XIST: variants seen among roughly 807,000 people sequenced by gnomAD.
XIST encodes X inactive specific transcript (non-protein coding).
Position 73,852,521 on chromosome X carries a change from A to G in XIST, n.203T>C, listed in dbSNP as rs768995729. 8 of 539,604 alleles carry G rather than the reference A, an allele frequency of 1.5e-5. No individual in the cohort carries two copies. In the South Asian group the frequency reaches 2.0e-4, roughly 13 times the overall value. 44.5% of individuals were successfully genotyped at this position (539,604 alleles called of 1,213,427 possible). A position where few individuals can be genotyped will look rare whatever the true frequency, so the allele number is the denominator to read the frequency against. On this transcript the variant is annotated non_coding_transcript_exon_variant, in exon 1 of 6. Transcript: ENST00000429829. ...TATTCCAAATACTTTCTTTAAAAAA[A>G]TATGGAGGACGTGTCAAGAAGACAC...
At position 73,852,564 on chromosome X, in the gene XIST, T is replaced by C. The variant is rs769617016; in HGVS notation, n.160A>G. On this transcript the variant is annotated non_coding_transcript_exon_variant, in exon 1 of 6. Coordinates refer to ENST00000429829, the Ensembl canonical transcript of XIST. ...GAAGACACTAGGAGAAAGTATAGAA[T>C]TTAAAAAAATATTTTATGGAATTTA... The C allele has an allele frequency of 3.8e-5, 19 of 499,030 alleles. No homozygotes were observed. The African/African-American group carries it at 4.6e-4, about 12-fold the overall frequency. The allele number at this position is 499,030 out of a possible 1,213,427, so 41.1% of individuals were successfully genotyped here.
At chrX:73,820,971 G>C (rs776219182) in exon 6 of XIST, 1 of 558,998 alleles carries the variant, frequency 1.8e-6, no homozygotes. Flanking sequence ...GAATAAAGCA[G>C]ATGATGATAA....
At chrX:73,852,617 A>T (rs1334108758) in exon 1 of XIST, 1 of 493,166 alleles carries the variant, frequency 2.0e-6, no homozygotes, top group Non-Finnish European at 3.5e-6. Flanking sequence ...AATACGCCAT[A>T]AAGGGTGTTG....
chrX:73,848,272 AGG>A (rs751342613), exon 1 of XIST: 1 of 555,514 alleles, frequency 1.8e-6, no homozygotes, highest in Non-Finnish European at 3.3e-6. Flanking sequence ...AACAGCAGAT[AGG>A]GAAATTGCAT....
chrX:73,828,168 A>G, intron 5 of XIST: 1 of 397,584 alleles, frequency 2.5e-6, no homozygotes, highest in Non-Finnish European at 4.3e-6. Context: ...TACTACAATA[A>G]TAACAACCAC....
chrX:73,831,385 G>T, intron 3 of XIST: 1 of 412,854 alleles, frequency 2.4e-6, no homozygotes, highest in East Asian at 3.8e-5. Context: ...TCTTCATGTG[G>T]ATTGAAGAGT....
chrX:73,826,813 C>T (rs1264083217), exon 6 of XIST: 1 of 558,280 alleles, frequency 1.8e-6, no homozygotes, highest in Non-Finnish European at 3.2e-6. Flanking sequence ...TGTAGGTCTT[C>T]CAGCTACAAC....
At chrX:73,822,552 T>C (rs1325232017) in exon 6 of XIST, 1 of 511,458 alleles carries the variant, frequency 2.0e-6, no homozygotes, top group Admixed American at 2.7e-5. Context: ...TCTCCTATAT[T>C]CTACTTTCCA....
At chrX:73,827,717 A>C (rs1467290147) in exon 6 of XIST, 2 of 549,633 alleles carry the variant, frequency 3.6e-6, no homozygotes, top group Non-Finnish European at 6.6e-6. Flanking sequence ...AAGGACAAAA[A>C]GCACACAGCA....
exon 1 of XIST, chrX:73,849,201 T>C (rs1225276622): frequency 1.6e-5 from 9 of 557,640 alleles, no homozygotes; most frequent in Non-Finnish European, 2.6e-5. Flanking sequence ...TGTTCTTTAA[T>C]TGTCCAAGAA....
chrX:73,842,725 G>A, exon 1 of XIST: 1 of 558,449 alleles, frequency 1.8e-6, no homozygotes, highest in Non-Finnish European at 3.2e-6. Context: ...TGGGACCAAG[G>A]AAAGTGCAAC....
exon 1 of XIST, chrX:73,848,607 C>T (rs756361352): frequency 1.8e-6 from 1 of 557,838 alleles, no homozygotes; most frequent in East Asian, 3.2e-5. Context: ...GGACTCTGGA[C>T]AATTGCAACT....
At chrX:73,820,756 C>T in exon 6 of XIST, 1 of 556,976 alleles carries the variant, frequency 1.8e-6, no homozygotes, top group Non-Finnish European at 3.2e-6. Context: ...GGTGGTCACC[C>T]ATGCTGAACA....
chrX:73,829,076 G>A (rs777367847), exon 5 of XIST: 11 of 555,707 alleles, frequency 2.0e-5, no homozygotes, highest in Non-Finnish European at 3.6e-5. Flanking sequence ...ACTTCATTCA[G>A]CTATCCTCAA....
exon 1 of XIST, chrX:73,846,702 T>A (rs1415935471): frequency 3.6e-6 from 2 of 559,162 alleles, no homozygotes; most frequent in South Asian, 2.2e-5. Context: ...CCTTCTCTAG[T>A]GCATAGCAAC....
chrX:73,851,129 T>C, exon 1 of XIST: 1 of 559,468 alleles, frequency 1.8e-6, no homozygotes, highest in Admixed American at 2.2e-5. Flanking sequence ...CATTTCTAAT[T>C]GGTTGGGTTA....
chrX:73,832,919 G>A (rs140601809), intron 3 of XIST, among the ~76,000 whole-genome samples: 2 of 111,336 alleles, frequency 1.8e-5, no homozygotes, highest in African/African-American at 6.5e-5. Flanking sequence ...GTCCCGCTCT[G>A]CCACCTAGGC....
At chrX:73,828,173 A>C (rs1455237704) in intron 5 of XIST, 5 of 386,745 alleles carry the variant, frequency 1.3e-5, no homozygotes, top group East Asian at 8.2e-5. Context: ...CAATAATAAC[A>C]ACCACCAATA....
exon 6 of XIST, chrX:73,820,805 G>A (rs369296409): frequency 1.8e-6 from 1 of 556,452 alleles, no homozygotes; most frequent in African/African-American, 2.2e-5. Context: ...ACTCAAAAGA[G>A]ATTCTGCATT....
Sources: gnomAD v4.1 joint callset for allele counts (sites outside exome capture counted in the v4.1 genomes callset) on GRCh38, gnomAD v4.1.1 for gene constraint, MANE v1.5 for transcripts, NCBI Gene and HGNC (gene_info 2026-07-23, HGNC 2026-07-21) for gene names.